Variants in ACYP2 observed in about 807,000 individuals in gnomAD.
The protein encoded by ACYP2 is acylphosphatase-2.
In ACYP2, 12 loss-of-function variants were observed where a neutral mutation model predicts 11.2. That is an observed-to-expected ratio of 1.08 (90% CI 0.69 to 1.74). The LOEUF (loss-of-function observed/expected upper bound fraction) is 1.74, where lower values mean the gene tolerates loss of function less well. ACYP2 is among the 40% of genes most tolerant of loss of function. ACYP2 has a pLI of 0.00. For missense variants in ACYP2, 134 were observed against 101.9 expected (o/e 1.31, Z -1.35); for synonymous variants, 43 against 32.2 (o/e 1.33, Z -1.13).
intron 2 of ACYP2, among the ~76,000 whole-genome samples, chr2:53,989,810 C>T (rs1008257486): frequency 6.6e-6 from 1 of 152,078 alleles, no homozygotes; most frequent in African/African-American, 2.4e-5. Flanking sequence ...TGGCTGCCTA[C>T]AGTGGCCATT....
intron 6 of ACYP2, among the ~76,000 whole-genome samples, chr2:54,246,021 T>G (rs1686933644): frequency 6.6e-6 from 1 of 152,168 alleles, no homozygotes; most frequent in Admixed American, 6.5e-5. Context: ...CCACTTGAAG[T>G]TGATTTTTAT....
intron 6 of ACYP2, among the ~76,000 whole-genome samples, chr2:54,224,913 G>A (rs1685945679): frequency 6.6e-6 from 1 of 152,054 alleles, no homozygotes; most frequent in Non-Finnish European, 1.5e-5. Context: ...ATGTTTGTGG[G>A]GCAAAAAAAG....
intron 2 of ACYP2, among the ~76,000 whole-genome samples, chr2:54,023,137 T>C (rs1283784340): frequency 6.6e-6 from 1 of 152,230 alleles, no homozygotes; most frequent in African/African-American, 2.4e-5. Flanking sequence ...GTGCATAGCC[T>C]CATAACCTTT....
In ACYP2 at chr2:53,971,126, G is replaced by T. The variant is rs1393731230; in HGVS notation, c.-232G>T. On this transcript the variant is annotated 5_prime_UTR_variant, in exon 1 of 7. Coordinates refer to ENST00000607452, the MANE Select transcript of ACYP2 (RefSeq NM_001320586.2). ...GGGGGAGGCGGTGGTGGCGGCAGCTGGAGCCCAACGGGCTGCGCCTTCTTC... is the reference window on the plus strand; with the variant it reads ...GGGGGAGGCGGTGGTGGCGGCAGCTTGAGCCCAACGGGCTGCGCCTTCTTC... 4 of 234,968 alleles carry T rather than the reference G, an allele frequency of 1.7e-5. No homozygotes were observed. Among genetic ancestry groups the T allele is most frequent in the Admixed American group, 1.2e-4 (2 of 17,350 alleles). 14.6% of individuals were successfully genotyped at this position (234,968 alleles called of 1,614,324 possible). A position where few individuals can be genotyped will look rare whatever the true frequency, so the allele number is the denominator to read the frequency against.
chr2:54,101,588 C>T (rs1678894715), intron 4 of ACYP2, among the ~76,000 whole-genome samples: 1 of 150,652 alleles, frequency 6.6e-6, no homozygotes, highest in East Asian at 2.0e-4. Flanking sequence ...GCTGTAGAAT[C>T]GCTTGAACCT....
intron 6 of ACYP2, among the ~76,000 whole-genome samples, chr2:54,151,742 AG>A (rs1682179989): frequency 6.6e-6 from 1 of 152,222 alleles, no homozygotes; most frequent in South Asian, 2.1e-4. Flanking sequence ...AAATGACTTA[AG>A]GGTATAGTTT....
At chr2:54,128,506 A>G (rs1390619990) in intron 4 of ACYP2, among the ~76,000 whole-genome samples, 1 of 152,148 alleles carries the variant, frequency 6.6e-6, no homozygotes, top group Non-Finnish European at 1.5e-5. Context: ...CATCTCTACA[A>G]AAATTTTAAA....
chr2:54,128,513 T>C (rs533299762), intron 4 of ACYP2, among the ~76,000 whole-genome samples: 1 of 152,216 alleles, frequency 6.6e-6, no homozygotes, highest in African/African-American at 2.4e-5. Context: ...ACAAAAATTT[T>C]AAAACTATCC....
chr2:53,975,857 A>G (rs371531710), intron 2 of ACYP2, among the ~76,000 whole-genome samples: 1 of 152,258 alleles, frequency 6.6e-6, no homozygotes, highest in Admixed American at 6.5e-5. Context: ...ACAGGATGTT[A>G]TCCTTTTAAC....
At chr2:54,254,333 G>A (rs1687379437) in intron 6 of ACYP2, 1 of 152,572 alleles carries the variant, frequency 6.6e-6, no homozygotes, top group African/African-American at 2.4e-5. Flanking sequence ...GCAATGGTCT[G>A]GGATATGTTC....
chr2:54,226,221 A>G (rs1223676624), intron 6 of ACYP2, among the ~76,000 whole-genome samples: 2 of 152,180 alleles, frequency 1.3e-5, no homozygotes, highest in East Asian at 3.8e-4. Flanking sequence ...GCAATCCCAT[A>G]TTCAAAATTG....
intron 4 of ACYP2, among the ~76,000 whole-genome samples, chr2:54,096,313 A>G (rs1340878768): frequency 1.8e-5 from 2 of 111,940 alleles, no homozygotes; most frequent in African/African-American, 3.6e-5. Flanking sequence ...CCTAGATGGG[A>G]TGGCGGCCGG....
At chr2:54,034,871 G>A (rs1220941927) in intron 2 of ACYP2, among the ~76,000 whole-genome samples, 3 of 151,660 alleles carry the variant, frequency 2.0e-5, no homozygotes, top group Non-Finnish European at 2.9e-5. Flanking sequence ...TTAGCTGGGC[G>A]TCGTGGCAGG....
intron 2 of ACYP2, among the ~76,000 whole-genome samples, chr2:53,994,820 C>G (rs1672491483): frequency 6.6e-6 from 1 of 152,146 alleles, no homozygotes; most frequent in Non-Finnish European, 1.5e-5. Flanking sequence ...GCCTAATACA[C>G]ACACATAAAA....
At chr2:54,093,786 A>G (rs1678364864) in intron 4 of ACYP2, among the ~76,000 whole-genome samples, 1 of 152,158 alleles carries the variant, frequency 6.6e-6, no homozygotes, top group Admixed American at 6.5e-5. Context: ...TAAAAATACA[A>G]AAAATTAGCC....
chr2:54,096,215 C>T (rs1429110947), intron 4 of ACYP2, among the ~76,000 whole-genome samples: 12 of 143,112 alleles, frequency 8.4e-5, no homozygotes, highest in Admixed American at 2.1e-4. Flanking sequence ...CGGGCAGAGA[C>T]GCTCCTCACC....
intron 4 of ACYP2, among the ~76,000 whole-genome samples, chr2:54,060,751 A>C (rs975554725): frequency 6.6e-6 from 1 of 152,174 alleles, no homozygotes; most frequent in East Asian, 1.9e-4. Flanking sequence ...AAATGCTTCT[A>C]AGTCCTCAGC....
intron 2 of ACYP2, chr2:53,975,411 T>G (rs1671421936): frequency 2.5e-6 from 1 of 394,470 alleles, no homozygotes; most frequent in Admixed American, 4.4e-5. Context: ...TTAGAAGACC[T>G]TTCTTTCGGG....
At chr2:54,132,286 A>G (rs1237344781) in intron 4 of ACYP2, among the ~76,000 whole-genome samples, 1 of 152,092 alleles carries the variant, frequency 6.6e-6, no homozygotes, top group Non-Finnish European at 1.5e-5. Flanking sequence ...TTCCTTTTAT[A>G]TCTACCAGCT....
Sources: gnomAD v4.1 joint callset for allele counts (sites outside exome capture counted in the v4.1 genomes callset) on GRCh38, gnomAD v4.1.1 for gene constraint, MANE v1.5 for transcripts, NCBI Gene and HGNC (gene_info 2026-07-23, HGNC 2026-07-21) for gene names.